The following GSK3B variants were observed in gnomAD, a reference collection of about 807,000 sequenced individuals.
GSK3B encodes glycogen synthase kinase-3 beta.
In GSK3B, 15 loss-of-function variants were observed where a neutral mutation model predicts 56.4. The observed-to-expected ratio is 0.27, with a 90% CI of 0.18 to 0.41. The LOEUF (loss-of-function observed/expected upper bound fraction) is 0.41. GSK3B is among the 10% of genes least tolerant of loss of function. The probability of loss-of-function intolerance (pLI) is 1.00; values close to 1 mark genes in which losing one functional copy is unlikely to be tolerated. For synonymous variants in GSK3B, 181 were observed against 188.9 expected, an observed-to-expected ratio of 0.96 and a Z score of 0.34; for missense variants, 300 against 513.4, an observed-to-expected ratio of 0.58 and a Z score of 4.02.
In GSK3B at chr3:120,022,135, G is replaced by A. The variant is rs190443759; in HGVS notation, c.89-19896C>T. Among the ~76,000 whole-genome samples the A allele has an allele frequency of 5.9e-5, 9 of 152,308 alleles. No homozygotes were observed. The East Asian group carries it at 1.7e-3, about 29-fold the overall frequency. On this transcript the variant is annotated intron_variant, in intron 1 of 10. Coordinates refer to ENST00000264235, the MANE Select transcript of GSK3B (RefSeq NM_001146156.2). ...AATTAATCCAGCAAACTTCATGGTT[G>A]TCTCCTTTTAAACAATTGGCACAGC...
At chr3:120,062,656 G>C (rs1223309976) in intron 1 of GSK3B, among the ~76,000 whole-genome samples, 2 of 152,190 alleles carry the variant, frequency 1.3e-5, no homozygotes, top group Non-Finnish European at 2.9e-5. Context: ...AGAATGGGAA[G>C]AATGAGGAGG....
At chr3:120,026,414 G>C (rs2057924452) in intron 1 of GSK3B, among the ~76,000 whole-genome samples, 1 of 151,920 alleles carries the variant, frequency 6.6e-6, no homozygotes, top group Admixed American at 6.6e-5. Flanking sequence ...AAGCCAAAGA[G>C]AACCTGTAAG....
intron 2 of GSK3B, among the ~76,000 whole-genome samples, chr3:119,948,217 T>C (rs958996607): frequency 6.6e-6 from 1 of 152,080 alleles, no homozygotes; most frequent in African/African-American, 2.4e-5. Context: ...TTAGAAGAGC[T>C]AGAAAACATA....
At chr3:119,929,756 G>A (rs2056924795) in intron 3 of GSK3B, among the ~76,000 whole-genome samples, 1 of 151,984 alleles carries the variant, frequency 6.6e-6, no homozygotes, top group African/African-American at 2.4e-5. Context: ...TACAAAATTA[G>A]CCAGGCATGG....
chr3:120,054,498 T>C (rs1475275988), intron 1 of GSK3B, among the ~76,000 whole-genome samples: 1 of 152,202 alleles, frequency 6.6e-6, no homozygotes, highest in Admixed American at 6.5e-5. Context: ...GGATTTAACA[T>C]TTCAGATCCC....
chr3:120,033,132 T>C (rs2057992298), intron 1 of GSK3B, among the ~76,000 whole-genome samples: 1 of 152,248 alleles, frequency 6.6e-6, no homozygotes, highest in Admixed American at 6.5e-5. Flanking sequence ...TGGCTTCTTT[T>C]ACTTAGAATG....
chr3:119,860,029 C>T (rs1329427828), intron 9 of GSK3B, among the ~76,000 whole-genome samples: 1 of 152,142 alleles, frequency 6.6e-6, no homozygotes, highest in Non-Finnish European at 1.5e-5. Flanking sequence ...CCCATCCTAC[C>T]CTACACTCTC....
chr3:120,050,188 C>T (rs866890603), intron 1 of GSK3B, among the ~76,000 whole-genome samples: 1 of 152,114 alleles, frequency 6.6e-6, no homozygotes, highest in African/African-American at 2.4e-5. Flanking sequence ...AATCTAGTAC[C>T]ACCAGAGCAA....
intron 7 of GSK3B, among the ~76,000 whole-genome samples, chr3:119,879,829 A>C (rs2056359324): frequency 6.6e-6 from 1 of 152,192 alleles, no homozygotes; most frequent in South Asian, 2.1e-4. Context: ...TTATGAGTAT[A>C]TATATCACAT....
chr3:119,858,622 T>G (rs1299878132), intron 9 of GSK3B, among the ~76,000 whole-genome samples: 2 of 152,100 alleles, frequency 1.3e-5, no homozygotes, highest in Non-Finnish European at 2.9e-5. Flanking sequence ...TTCACTGGAG[T>G]AGCACTTTAA....
At chr3:119,866,267 T>A (rs1272419564) in intron 8 of GSK3B, among the ~76,000 whole-genome samples, 2 of 152,180 alleles carry the variant, frequency 1.3e-5, no homozygotes, top group African/African-American at 4.8e-5. Flanking sequence ...CTTTCCTTAC[T>A]CACTGAAATT....
At chr3:119,923,196 G>A (rs1333207170) in intron 4 of GSK3B, among the ~76,000 whole-genome samples, 177 bp downstream of exon 4, 1 of 151,984 alleles carries the variant, frequency 6.6e-6, no homozygotes, top group African/African-American at 2.4e-5. Context: ...AACTTCAAAA[G>A]GTGCACAATT....
chr3:120,008,439 T>A (rs1338659733), intron 1 of GSK3B, among the ~76,000 whole-genome samples: 1 of 152,164 alleles, frequency 6.6e-6, no homozygotes, highest in African/African-American at 2.4e-5. Flanking sequence ...GGAGGCATCA[T>A]GTAACCTGAC....
intron 2 of GSK3B, among the ~76,000 whole-genome samples, chr3:119,948,886 G>C (rs1421146910): frequency 6.6e-6 from 1 of 152,100 alleles, no homozygotes; most frequent in Non-Finnish European, 1.5e-5. Flanking sequence ...ATTTTTAGTA[G>C]AGACAGGGTT....
intron 1 of GSK3B, among the ~76,000 whole-genome samples, chr3:120,038,744 A>G (rs2058041942): frequency 6.6e-6 from 1 of 152,170 alleles, no homozygotes; most frequent in Non-Finnish European, 1.5e-5. Flanking sequence ...AACTTCTAAA[A>G]GATAACAGGA....
At chr3:119,948,005 A>G (rs1287543085) in intron 2 of GSK3B, among the ~76,000 whole-genome samples, 1 of 152,238 alleles carries the variant, frequency 6.6e-6, no homozygotes, top group South Asian at 2.1e-4. Flanking sequence ...TCACTAAATA[A>G]TATGATGATT....
chr3:120,009,846 A>T (rs866931395), intron 1 of GSK3B, among the ~76,000 whole-genome samples: 15 of 151,344 alleles, frequency 9.9e-5, no homozygotes, highest in African/African-American at 2.2e-4. Context: ...AATAATAATT[A>T]AAAAAAAAGA....
chr3:119,929,401 A>T (rs1448294517), intron 3 of GSK3B, among the ~76,000 whole-genome samples: 1 of 152,230 alleles, frequency 6.6e-6, no homozygotes, highest in Non-Finnish European at 1.5e-5. Flanking sequence ...ACAATTATGA[A>T]CAACCTGGAG....
At chr3:119,983,609 G>A (rs1375200978) in intron 2 of GSK3B, among the ~76,000 whole-genome samples, 1 of 151,036 alleles carries the variant, frequency 6.6e-6, no homozygotes, top group African/African-American at 2.4e-5. Context: ...AAGAGACAAA[G>A]AAAGCCATTA....
Sources: gnomAD v4.1 joint callset for allele counts (sites outside exome capture counted in the v4.1 genomes callset) on GRCh38, gnomAD v4.1.1 for gene constraint, MANE v1.5 for transcripts, NCBI Gene and HGNC (gene_info 2026-07-23, HGNC 2026-07-21) for gene names.